The following MPZL1 variants were observed in gnomAD, a reference collection of about 807,000 sequenced individuals.
The protein encoded by MPZL1 is myelin protein zero-like protein 1.
Under a neutral mutation model 29.3 loss-of-function variants are expected in MPZL1, and 16 were observed. That is an observed-to-expected ratio of 0.55 (90% confidence interval 0.37 to 0.83). The LOEUF (loss-of-function observed/expected upper bound fraction) is 0.83, where lower values mean the gene tolerates loss of function less well. Among genes scored for constraint, MPZL1 ranks in the 40% least tolerant of loss-of-function variants. MPZL1 has a pLI of 0.00. For synonymous variants in MPZL1, 143 were observed against 132.0 expected, an observed-to-expected ratio of 1.08 and a Z score of -0.57; for missense variants, 279 against 332.9, an observed-to-expected ratio of 0.84 and a Z score of 1.26.
At chr1:167,783,565 A>G (rs907075853) in intron 5 of MPZL1, among the ~76,000 whole-genome samples, 3 of 152,230 alleles carry the variant, frequency 2.0e-5, no homozygotes, top group Non-Finnish European at 4.4e-5. Flanking sequence ...TTCAAGAAGT[A>G]GTTATGTGCG....
At chr1:167,763,625 A>T (rs1017536479) in intron 1 of MPZL1, among the ~76,000 whole-genome samples, 7 of 152,306 alleles carry the variant, frequency 4.6e-5, no homozygotes, top group Non-Finnish European at 1.0e-4. Flanking sequence ...CACAGAGTGA[A>T]TAAGGGTTGC....
intron 5 of MPZL1, among the ~76,000 whole-genome samples, chr1:167,783,159 C>T (rs964260930): frequency 6.6e-6 from 1 of 152,128 alleles, no homozygotes; most frequent in African/African-American, 2.4e-5. Flanking sequence ...TGATGCCATT[C>T]TGATTCACTC....
rs74678529 is a variant in MPZL1 at position 167,747,766 on chromosome 1, T to C, written c.92-17817T>C. Among the ~76,000 whole-genome samples, 229 of 152,212 alleles carry C rather than the reference T, an allele frequency of 1.5e-3. 3 individuals carry two copies. The highest frequency in any genetic ancestry group is 5.5e-3 in the African/African-American group (228 of 41,552). On this transcript the variant is annotated intron_variant, in intron 1 of 5. Coordinates refer to ENST00000359523, the MANE Select transcript of MPZL1 (RefSeq NM_003953.6). ...TAACAGAAGTTTTACTGTGATATAATTCACATACTGTGGAATTCACCCATT... is the reference window on the plus strand; with the variant it reads ...TAACAGAAGTTTTACTGTGATATAACTCACATACTGTGGAATTCACCCATT...
intron 1 of MPZL1, among the ~76,000 whole-genome samples, chr1:167,736,363 T>C (rs1660378754): frequency 6.6e-6 from 1 of 152,206 alleles, no homozygotes; most frequent in South Asian, 2.1e-4. Context: ...CTCCCAAATA[T>C]ATCCCCAGTG....
At chr1:167,782,439 C>T (rs969594817) in intron 5 of MPZL1, among the ~76,000 whole-genome samples, 1 of 152,012 alleles carries the variant, frequency 6.6e-6, no homozygotes, top group African/African-American at 2.4e-5. Context: ...ACTGTACTTA[C>T]GTTCTTGGCA....
intron 1 of MPZL1, among the ~76,000 whole-genome samples, chr1:167,747,405 G>A (rs1660668681): frequency 1.3e-5 from 2 of 152,064 alleles, no homozygotes; most frequent in African/African-American, 4.8e-5. Context: ...AAAATGTTTT[G>A]TAGAAACAGG....
At chr1:167,740,702 A>T (rs562061053) in intron 1 of MPZL1, among the ~76,000 whole-genome samples, 1 of 152,306 alleles carries the variant, frequency 6.6e-6, no homozygotes, top group South Asian at 2.1e-4. Flanking sequence ...TTTATATACA[A>T]TTCAGACCTC....
chr1:167,733,451 G>A (rs373516952), intron 1 of MPZL1, among the ~76,000 whole-genome samples: 1 of 152,180 alleles, frequency 6.6e-6, no homozygotes, highest in Admixed American at 6.5e-5. Flanking sequence ...TGTGGTGAAA[G>A]GTGTGTCCTC....
At chr1:167,751,657 C>T (rs1412227344) in intron 1 of MPZL1, among the ~76,000 whole-genome samples, 6 of 136,856 alleles carry the variant, frequency 4.4e-5, no homozygotes, top group East Asian at 4.1e-4. Context: ...GGCGACAGGA[C>T]GAGACTCCAT....
chr1:167,776,337 C>A (rs1661368259), intron 5 of MPZL1, among the ~76,000 whole-genome samples, 171 bp downstream of exon 5: 1 of 152,094 alleles, frequency 6.6e-6, no homozygotes, highest in South Asian at 2.1e-4. Flanking sequence ...CCTAGGAAGA[C>A]CACAGGAAAA....
At chr1:167,761,263 C>T (rs1660981341) in intron 1 of MPZL1, among the ~76,000 whole-genome samples, 1 of 152,092 alleles carries the variant, frequency 6.6e-6, no homozygotes, top group South Asian at 2.1e-4. Context: ...TTCTCTAAAC[C>T]TGGGATATAA....
intron 1 of MPZL1, among the ~76,000 whole-genome samples, chr1:167,761,723 A>T (rs940573714): frequency 3.9e-5 from 6 of 152,196 alleles, no homozygotes; most frequent in Non-Finnish European, 7.4e-5. Context: ...GTGACCATAC[A>T]TTTAAGGCGA....
At chr1:167,724,748 A>G (rs1208283145) in intron 1 of MPZL1, among the ~76,000 whole-genome samples, 2 of 152,184 alleles carry the variant, frequency 1.3e-5, no homozygotes, top group Non-Finnish European at 2.9e-5. Context: ...AAACAATTGG[A>G]TAGACAGTTC....
intron 1 of MPZL1, among the ~76,000 whole-genome samples, chr1:167,751,692 G>T (rs1339530974): frequency 2.7e-5 from 4 of 149,248 alleles, no homozygotes; most frequent in Admixed American, 2.0e-4. Context: ...AAAAAGAAAA[G>T]AAATTAAATG....
chr1:167,751,839 T>C (rs1660766968), intron 1 of MPZL1, among the ~76,000 whole-genome samples: 1 of 152,222 alleles, frequency 6.6e-6, no homozygotes, highest in South Asian at 2.1e-4. Flanking sequence ...TGGAAATTTT[T>C]CTATTTTTCC....
At chr1:167,778,445 C>T (rs1196399397) in intron 5 of MPZL1, among the ~76,000 whole-genome samples, 2 of 151,344 alleles carry the variant, frequency 1.3e-5, no homozygotes, top group African/African-American at 4.9e-5. Context: ...ATTGCTTGAG[C>T]CCAAGAGTGT....
chr1:167,741,971 T>G (rs1336737825), intron 1 of MPZL1, among the ~76,000 whole-genome samples: 1 of 151,616 alleles, frequency 6.6e-6, no homozygotes, highest in East Asian at 1.9e-4. Flanking sequence ...AGGTTGAGGG[T>G]GAAGTGAGCC....
intron 1 of MPZL1, among the ~76,000 whole-genome samples, chr1:167,738,413 T>C (rs1353711663): frequency 6.6e-6 from 1 of 152,206 alleles, no homozygotes; most frequent in Non-Finnish European, 1.5e-5. Flanking sequence ...ACAAATAAGA[T>C]GTCCGTGTAA....
chr1:167,777,775 A>G (rs1184545050), intron 5 of MPZL1, among the ~76,000 whole-genome samples: 1 of 152,222 alleles, frequency 6.6e-6, no homozygotes, highest in Non-Finnish European at 1.5e-5. Context: ...TAAGAGCCAG[A>G]GTAGAGAGAC....
Sources: allele counts gnomAD v4.1 joint callset (sites outside exome capture counted in the v4.1 genomes callset), GRCh38; gene constraint gnomAD v4.1.1; transcripts MANE v1.5; gene names NCBI Gene and HGNC (gene_info 2026-07-23, HGNC 2026-07-21).